Variants in SHTN1 observed in about 807,000 individuals in gnomAD.
SHTN1 encodes the protein shootin-1.
Under a neutral mutation model 83.1 loss-of-function variants are expected in SHTN1, and 42 were observed. The ratio of observed to expected loss-of-function variants is 0.51; its 90% CI spans 0.39 to 0.65. The LOEUF (loss-of-function observed/expected upper bound fraction) is 0.65. Ranked by LOEUF, SHTN1 falls within the 30% of genes least tolerant of loss-of-function variation. The pLI, the probability that SHTN1 is intolerant of heterozygous loss-of-function variation, is 0.00. For synonymous variants in SHTN1, 224 were observed against 247.7 expected (o/e 0.90, Z 0.90); for missense variants, 622 against 737.8 (o/e 0.84, Z 1.82).
rs1481353042 is a variant in SHTN1 at position 117,103,739 on chromosome 10, T to C, written c.-189+22568A>G. ...TTTTAGTAGAGATGGGGTTTCACTG[T>C]GTTAGCCAGGATGGTCTCGATCTCC... On this transcript the variant is annotated intron_variant, in intron 1 of 17. Coordinates refer to the SHTN1 transcript ENST00000392901. 2.0e-5 allele frequency among the ~76,000 whole-genome samples: 3 copies of C among 151,948 alleles called. No individual in the cohort carries two copies. The East Asian group carries it at 5.8e-4, about 29-fold the overall frequency.
At chr10:117,038,551 G>A (rs1852536273) in intron 2 of SHTN1, among the ~76,000 whole-genome samples, 1 of 152,000 alleles carries the variant, frequency 6.6e-6, no homozygotes, top group African/African-American at 2.4e-5. Flanking sequence ...TCAAGAGAAT[G>A]AAAACAAGAC....
intron 9 of SHTN1, 104 bp downstream of exon 9, chr10:116,940,362 C>T (rs937849819): frequency 6.0e-6 from 7 of 1,162,644 alleles, no homozygotes; most frequent in African/African-American, 3.1e-5. Context: ...AAATATGAAA[C>T]AGTAAATGAC....
intron 4 of SHTN1, among the ~76,000 whole-genome samples, chr10:116,956,397 T>A (rs890300994): frequency 6.6e-6 from 1 of 152,194 alleles, no homozygotes; most frequent in African/African-American, 2.4e-5. Context: ...AGTTTTCTCA[T>A]CAGTAAACTA....
At chr10:117,078,150 T>C (rs1002979754) in intron 1 of SHTN1, among the ~76,000 whole-genome samples, 4 of 152,170 alleles carry the variant, frequency 2.6e-5, no homozygotes, top group African/African-American at 9.7e-5. Context: ...GAGCTTTCAA[T>C]GGACATTTTA....
At chr10:117,030,801 C>T (rs1178412403) in intron 2 of SHTN1, among the ~76,000 whole-genome samples, 2 of 151,634 alleles carry the variant, frequency 1.3e-5, no homozygotes, top group East Asian at 1.9e-4. Flanking sequence ...TTTGAAAATA[C>T]TTGGCAGAGG....
In SHTN1 at chr10:116,927,856, T is replaced by G; in HGVS notation, c.1048A>C (p.Asn350His). ...ELQKRVNQSENSVPPPPPPPP... is the reference protein window; with the variant it reads ...ELQKRVNQSEHSVPPPPPPPP... ...GGAGGAGGTGGTGGAGGTACTGAAT[T>G]CTCAGACTGGTTCACTCGTTTCTGG... Residue 350 changes from asparagine (N) to histidine (H), a missense_variant, in exon 11 of 17, where the codon AAT becomes CAT. By Grantham distance (68) the Asn-to-His change is moderately conservative. Around this residue, in one of 3 missense-constraint regions of SHTN1, gnomAD observed 383 missense variants for 455.8 expected, o/e 0.84. Coordinates refer to ENST00000355371, the MANE Select transcript of SHTN1 (RefSeq NM_001127211.3). 2 of 1,611,752 alleles carry G rather than the reference T, an allele frequency of 1.2e-6. No individual in the cohort carries two copies. The highest frequency in any genetic ancestry group is 1.7e-6 in the Non-Finnish European group (2 of 1,179,028).
chr10:117,016,415 T>C (rs1852181369), intron 2 of SHTN1, among the ~76,000 whole-genome samples: 1 of 152,162 alleles, frequency 6.6e-6, no homozygotes, highest in Non-Finnish European at 1.5e-5. Flanking sequence ...TTTTGTTTGT[T>C]TGTTTGTTTG....
chr10:116,990,777 G>A (rs186628980), intron 1 of SHTN1, among the ~76,000 whole-genome samples: 46 of 152,100 alleles, frequency 3.0e-4, no homozygotes, highest in African/African-American at 1.0e-3. Flanking sequence ...TCCATCTCTT[G>A]GTGGCACACA....
chr10:116,981,127 T>TTGAGGTCA (rs1851003026), intron 1 of SHTN1, among the ~76,000 whole-genome samples: 2 of 152,172 alleles, frequency 1.3e-5, no homozygotes, highest in African/African-American at 4.8e-5. Flanking sequence ...AAGACCAGCC[T>TTGAGGTCA]GGCCAACACA....
chr10:117,025,907 C>G (rs1852326915), intron 2 of SHTN1, among the ~76,000 whole-genome samples: 1 of 152,184 alleles, frequency 6.6e-6, no homozygotes, highest in Non-Finnish European at 1.5e-5. Context: ...GAATAACCAG[C>G]AGCAATACCC....
chr10:117,026,313 C>T (rs1000839501), intron 2 of SHTN1, among the ~76,000 whole-genome samples: 2 of 151,688 alleles, frequency 1.3e-5, no homozygotes, highest in Middle Eastern at 3.4e-3. Flanking sequence ...GTAGTGGTCA[C>T]GGGATGAGGC....
At chr10:116,907,354 C>T (rs1255053507) in intron 14 of SHTN1, among the ~76,000 whole-genome samples, 1 of 152,144 alleles carries the variant, frequency 6.6e-6, no homozygotes, top group African/African-American at 2.4e-5. Context: ...AAGCAAGGGT[C>T]GGCATCTTAA....
chr10:116,905,989 A>G (rs1201738718), intron 15 of SHTN1, among the ~76,000 whole-genome samples: 1 of 152,230 alleles, frequency 6.6e-6, no homozygotes, highest in East Asian at 1.9e-4. Context: ...TCAGTGACAG[A>G]GCTGGAATTT....
intron 9 of SHTN1, among the ~76,000 whole-genome samples, chr10:116,939,884 C>T (rs896401723): frequency 6.6e-6 from 1 of 152,018 alleles, no homozygotes; most frequent in African/African-American, 2.4e-5. Context: ...TCTCACCTAC[C>T]ACAATGACTA....
chr10:116,946,981 A>G (rs1849617267), intron 7 of SHTN1, among the ~76,000 whole-genome samples: 2 of 151,926 alleles, frequency 1.3e-5, no homozygotes, highest in South Asian at 2.1e-4. Flanking sequence ...TCAGCCTCCC[A>G]AAGTGCTGGG....
At position 116,884,046 on chromosome 10, in the gene SHTN1, C is replaced by G. The variant is rs754921450; in HGVS notation, c.*2298G>C. On this transcript the variant is annotated 3_prime_UTR_variant, in exon 17 of 17. Coordinates refer to ENST00000355371, the MANE Select transcript of SHTN1 (RefSeq NM_001127211.3). ...CTTAAAGAAAAAAAATCCTCTATAG[C>G]GCACAAGACTTAATTTATCTTTCCC... is the stretch of plus-strand genomic sequence containing the variant. 1 of 287,240 alleles carries G rather than the reference C, an allele frequency of 3.5e-6. No homozygotes were observed. The highest frequency in any genetic ancestry group is 9.5e-5 in the East Asian group (1 of 10,574). The allele number at this position is 287,240 out of a possible 1,614,324, so 17.8% of individuals were successfully genotyped here. A position where few individuals can be genotyped will look rare whatever the true frequency, so the allele number is the denominator to read the frequency against.
intron 2 of SHTN1, among the ~76,000 whole-genome samples, chr10:117,018,221 T>C (rs905842540): frequency 1.4e-4 from 21 of 152,236 alleles, no homozygotes. Context: ...ACTGTGGTTA[T>C]GTACCCAGTG....
chr10:116,901,624 T>A lies in SHTN1; in HGVS notation c.1673+141A>T, dbSNP rs1847739954. The stretch of plus-strand genomic sequence containing the variant: ...AGCTAGGAGCCTAGAATGAAAAAGC[T>A]GGCCCATCAAATGAAAAGAAGAAGA... On this transcript the variant is annotated intron_variant, in intron 16 of 16. Transcript: ENST00000355371. 2.2e-6 allele frequency: 3 copies of A among 1,362,132 alleles called. No homozygotes were observed. The South Asian group carries it at 6.0e-5, about 27-fold the overall frequency. The allele number at this position is 1,362,132 out of a possible 1,614,324, so 84.4% of individuals were successfully genotyped here.
chr10:116,985,554 T>G (rs1324289313), intron 1 of SHTN1, among the ~76,000 whole-genome samples: 1 of 152,178 alleles, frequency 6.6e-6, no homozygotes, highest in East Asian at 1.9e-4. Context: ...GAAGGAAGAA[T>G]GGATCTAGGT....
Sources: allele counts gnomAD v4.1 joint callset (sites outside exome capture counted in the v4.1 genomes callset), GRCh38; gene constraint gnomAD v4.1.1; regional missense constraint gnomAD v4.1.1; transcripts MANE v1.5; gene names NCBI Gene and HGNC (gene_info 2026-07-23, HGNC 2026-07-21).